SENP6: variants seen among roughly 807,000 people sequenced by gnomAD.
SENP6 encodes SUMO specific peptidase 6, also known as sentrin-specific protease 6.
Under a neutral mutation model 134.5 loss-of-function variants are expected in SENP6, and 41 were observed. That is an observed-to-expected ratio of 0.30 (90% CI 0.24 to 0.40). The LOEUF (loss-of-function observed/expected upper bound fraction) is 0.40. Ranked by LOEUF, SENP6 falls within the 10% of genes least tolerant of loss-of-function variation. The pLI is 1.00. For synonymous variants in SENP6, 395 were observed against 429.8 expected, an observed-to-expected ratio of 0.92 and a Z score of 1.00; for missense variants, 1,248 against 1,312.5, an observed-to-expected ratio of 0.95 and a Z score of 0.76.
intron 1 of SENP6, chr6:75,611,009 A>T (rs1051862289): frequency 2.6e-5 from 4 of 152,220 alleles, no homozygotes; most frequent in Admixed American, 2.6e-4. Flanking sequence ...GGAACTAGAA[A>T]TTCTCCTAGG....
intron 16 of SENP6, among the ~76,000 whole-genome samples, chr6:75,680,287 G>T (rs995496322): frequency 3.3e-5 from 5 of 152,208 alleles, no homozygotes; most frequent in African/African-American, 4.8e-5. Flanking sequence ...GCTTGGGTGA[G>T]GAGGGGATAA....
At chr6:75,650,855 C>T (rs1034520401) in intron 7 of SENP6, among the ~76,000 whole-genome samples, 2 of 152,196 alleles carry the variant, frequency 1.3e-5, no homozygotes, top group Non-Finnish European at 1.5e-5. Context: ...TAATTACTTG[C>T]ATAACACTTA....
At chr6:75,678,774 G>T (rs1233418398) in intron 15 of SENP6, 37 bp from the exon 16 acceptor site, 2 of 1,385,056 alleles carry the variant, frequency 1.4e-6, no homozygotes, top group Admixed American at 1.7e-5. Flanking sequence ...TATATATATA[G>T]ATTTGTTTAT....
chr6:75,675,264 G>A (rs1772998698), intron 11 of SENP6, among the ~76,000 whole-genome samples, 171 bp from the exon 12 acceptor site: 2 of 152,096 alleles, frequency 1.3e-5, no homozygotes, highest in Admixed American at 6.6e-5. Flanking sequence ...AACAGTTAGT[G>A]GGTTTAGATA....
intron 16 of SENP6, among the ~76,000 whole-genome samples, chr6:75,682,564 T>C (rs1310881544): frequency 1.3e-5 from 2 of 151,406 alleles, no homozygotes; most frequent in African/African-American, 4.8e-5. Context: ...CAGCCCTCCA[T>C]CCCACAACAG....
intron 16 of SENP6, among the ~76,000 whole-genome samples, chr6:75,682,976 G>A (rs1003793843): frequency 5.3e-5 from 8 of 152,106 alleles, no homozygotes; most frequent in East Asian, 1.9e-4. Context: ...TTGAGGAATC[G>A]CCACACTGTC....
At chr6:75,640,476 T>C (rs1178159788) in intron 5 of SENP6, among the ~76,000 whole-genome samples, 1 of 132,816 alleles carries the variant, frequency 7.5e-6, no homozygotes, top group African/African-American at 2.5e-5. Flanking sequence ...TGTATTCATC[T>C]TCCTGTTTGT....
At chr6:75,672,420 A>T (rs1334486080) in intron 11 of SENP6, among the ~76,000 whole-genome samples, 11 of 151,426 alleles carry the variant, frequency 7.3e-5, no homozygotes, top group Admixed American at 6.6e-4. Flanking sequence ...TTAAAAAAAT[A>T]AAAGGCAGTA....
At chr6:75,676,552 C>T (rs1232391926) in intron 13 of SENP6, 1 of 156,282 alleles carries the variant, frequency 6.4e-6, no homozygotes, top group Non-Finnish European at 1.4e-5. Flanking sequence ...ATACACATTT[C>T]AGCAGTAATT....
intron 8 of SENP6, among the ~76,000 whole-genome samples, chr6:75,659,757 AT>A (rs1338956281): frequency 6.6e-6 from 1 of 152,044 alleles, no homozygotes; most frequent in Non-Finnish European, 1.5e-5. Flanking sequence ...CATTTGCTTT[AT>A]TGTCCTCACT....
intron 12 of SENP6, 59 bp from the exon 13 acceptor site, chr6:75,675,801 C>A: frequency 7.2e-7 from 1 of 1,385,148 alleles, no homozygotes; most frequent in Non-Finnish European, 9.9e-7. Context: ...CACAATTTCC[C>A]CCATTCATGA....
intron 18 of SENP6, among the ~76,000 whole-genome samples, chr6:75,699,287 AAG>A (rs1198363711): frequency 6.6e-6 from 1 of 151,458 alleles, no homozygotes; most frequent in Non-Finnish European, 1.5e-5. Flanking sequence ...TGAACTCTGT[AAG>A]AGAGCTCTAC....
intron 18 of SENP6, among the ~76,000 whole-genome samples, chr6:75,699,496 CT>C (rs1281405080): frequency 6.8e-6 from 1 of 147,632 alleles, no homozygotes; most frequent in Non-Finnish European, 1.5e-5. Context: ...TTCTTTCTTT[CT>C]TTTTTCTCGA....
At chr6:75,606,438 A>G (rs892994604) in intron 1 of SENP6, among the ~76,000 whole-genome samples, 3 of 152,238 alleles carry the variant, frequency 2.0e-5, no homozygotes, top group South Asian at 2.1e-4. Flanking sequence ...TATTCAGTCA[A>G]CAGATACTTA....
Position 75,684,945 on chromosome 6 carries a change from G to A in SENP6, c.2075+6018G>A, listed in dbSNP as rs563172229. 3.3e-5 allele frequency among the ~76,000 whole-genome samples: 5 copies of A among 152,196 alleles called. No individual in the cohort carries two copies. The South Asian group carries it at 1.0e-3, about 32-fold the overall frequency. On this transcript the variant is annotated intron_variant, in intron 16 of 23. Transcript: ENST00000447266. ...GTTAGGGAGGATTTCCTCTTTTTCT[G>A]TTGATTGAAATAGTTTCAGAAGGAA... is the stretch of plus-strand genomic sequence containing the variant.
At position 75,702,803 on chromosome 6, in the gene SENP6, A is replaced by G. The variant is rs1775127753; in HGVS notation, c.2447A>G (p.Gln816Arg). 1 of 1,614,060 alleles carries G rather than the reference A, an allele frequency of 6.2e-7. No homozygotes were observed. The highest frequency in any genetic ancestry group is 1.1e-5 in the South Asian group (1 of 91,086). Residue 816 changes from glutamine to arginine, a missense_variant, in exon 19 of 24, where the codon CAA becomes CGA. Physicochemically the swap from Gln to Arg is conservative, Grantham distance 43. Transcript: ENST00000447266. ...GCCAGTGAAATGGAGAGTTGTTCAC[A>G]AAACTCTTCTGCCAAGCCTGTAATT... ...SSASEMESCSQNSSAKPVIKK... is the reference protein window; with the variant it reads ...SSASEMESCSRNSSAKPVIKK...
intron 7 of SENP6, among the ~76,000 whole-genome samples, chr6:75,658,032 G>C (rs1771479362): frequency 6.6e-6 from 1 of 152,054 alleles, no homozygotes; most frequent in Non-Finnish European, 1.5e-5. Flanking sequence ...TAGTGGGGAA[G>C]GATTTAAGGG....
chr6:75,623,346 T>TA (rs1768416939), intron 2 of SENP6, among the ~76,000 whole-genome samples: 1 of 152,182 alleles, frequency 6.6e-6, no homozygotes, highest in South Asian at 2.1e-4. Flanking sequence ...TGTTAATAGA[T>TA]ACATTAGTTT....
chr6:75,606,388 A>C (rs1767028711), intron 1 of SENP6, among the ~76,000 whole-genome samples: 1 of 151,874 alleles, frequency 6.6e-6, no homozygotes, highest in African/African-American at 2.4e-5. Flanking sequence ...CCCCTTTTCC[A>C]CTTATGATAG....
Sources: gnomAD v4.1 joint callset for allele counts (sites outside exome capture counted in the v4.1 genomes callset) on GRCh38, gnomAD v4.1.1 for gene constraint, MANE v1.5 for transcripts, NCBI Gene and HGNC (gene_info 2026-07-23, HGNC 2026-07-21) for gene names.